DKKL1: variants seen among roughly 807,000 people sequenced by gnomAD.
DKKL1 encodes the protein dickkopf like acrosomal protein 1, also known as dickkopf-like protein 1.
Under a neutral mutation model 16.5 loss-of-function variants are expected in DKKL1, and 11 were observed. That is an observed-to-expected ratio of 0.67 (90% CI 0.42 to 1.10). The LOEUF is 1.10. Ranked by LOEUF, DKKL1 falls within the 50% of genes least tolerant of loss-of-function variation. The probability of loss-of-function intolerance (pLI) is 0.00; values close to 1 mark genes in which losing one functional copy is unlikely to be tolerated. For missense variants in DKKL1, 320 were observed against 308.1 expected, an observed-to-expected ratio of 1.04 and a Z score of -0.29; for synonymous variants, 119 against 133.2, an observed-to-expected ratio of 0.89 and a Z score of 0.73.
upstream of DKKL1, among the ~76,000 whole-genome samples, chr19:49,361,031 AGGGGGGGACAGAGACCAGAG>A (rs1972855199): frequency 4.0e-5 from 1 of 24,734 alleles, no homozygotes; most frequent in African/African-American, 1.6e-4. Flanking sequence ...GACCAGAGGG[AGGGGGGGACAGAGACCAGAG>A]AGGGGGACAG....
At chr19:49,371,113 GC>G (rs1439550894) in intron 4 of DKKL1, 1 of 152,224 alleles carries the variant, frequency 6.6e-6, no homozygotes, top group East Asian at 1.9e-4. Flanking sequence ...TACTCTCCCA[GC>G]ACCTGCAGAA....
chr19:49,371,521 T>A (rs1232637606), intron 4 of DKKL1, among the ~76,000 whole-genome samples: 1 of 148,944 alleles, frequency 6.7e-6, no homozygotes, highest in Non-Finnish European at 1.5e-5. Context: ...TTTTGTAATT[T>A]TGATAAATGA....
chr19:49,372,118 A>G (rs1973515492), intron 4 of DKKL1, among the ~76,000 whole-genome samples: 1 of 152,186 alleles, frequency 6.6e-6, no homozygotes, highest in Non-Finnish European at 1.5e-5. Flanking sequence ...AAAATAGTAT[A>G]ATAAATATCC....
intron 1 of DKKL1, among the ~76,000 whole-genome samples, 194 bp downstream of exon 1, chr19:49,364,202 T>C (rs1223051447): frequency 1.3e-5 from 2 of 151,732 alleles, no homozygotes; most frequent in African/African-American, 4.8e-5. Flanking sequence ...ATACAAAAAT[T>C]AGCCGGGCGT....
At chr19:49,364,470 G>A (rs1007436543) in intron 1 of DKKL1, 112 bp from the exon 2 acceptor site, 23 of 803,906 alleles carry the variant, frequency 2.9e-5, no homozygotes, top group Non-Finnish European at 1.9e-5. Flanking sequence ...AAATGAGCGC[G>A]GTGTGGGAGT....
In DKKL1 at chr19:49,365,781, G is replaced by C; in HGVS notation, c.325-12G>C. On this transcript the variant is annotated splice_polypyrimidine_tract_variant and intron_variant, in intron 3 of 4. Transcript: ENST00000221498. ...GCAGGTTTGCTCTCACTCTCTCATCGGATCCTCACAGATGACCGACAACAA... is the reference window on the plus strand; with the variant it reads ...GCAGGTTTGCTCTCACTCTCTCATCCGATCCTCACAGATGACCGACAACAA... 6.2e-7 allele frequency: 1 copy of C among 1,613,178 alleles called. No individual in the cohort carries two copies.
upstream of DKKL1, among the ~76,000 whole-genome samples, chr19:49,362,916 T>TTTTG (rs1555787013): frequency 7.9e-4 from 108 of 137,300 alleles, 9 homozygotes; most frequent in Non-Finnish European, 1.1e-3. Flanking sequence ...TTTTGGTTTT[T>TTTTG]TTGTTTTTTG....
At chr19:49,374,351 G>T (rs1189644372) in intron 4 of DKKL1, among the ~76,000 whole-genome samples, 1 of 152,024 alleles carries the variant, frequency 6.6e-6, no homozygotes. Flanking sequence ...ATGAGTCTTC[G>T]GTAAACCCAA....
chr19:49,360,696 A>G (rs1261901427), upstream of DKKL1, among the ~76,000 whole-genome samples: 1 of 142,498 alleles, frequency 7.0e-6, no homozygotes, highest in Non-Finnish European at 1.5e-5. Context: ...AGAAAAGAAG[A>G]GGGGCCAAGC....
upstream of DKKL1, chr19:49,363,829 A>T: frequency 1.0e-6 from 1 of 961,758 alleles, no homozygotes; most frequent in East Asian, 2.7e-5. Context: ...GTGGTCAGAC[A>T]ATAGGGGCGT....
intron 4 of DKKL1, chr19:49,370,324 TTGGA>T (rs1973427586): frequency 6.6e-6 from 1 of 151,808 alleles, no homozygotes; most frequent in African/African-American, 2.4e-5. Flanking sequence ...GTGGAAGACC[TTGGA>T]AACGAAAGCT....
Position 49,364,644 on chromosome 19 carries a change from G to A in DKKL1, c.73G>A (p.Val25Met), listed in dbSNP as rs527976440. ...LVLLLLLSTL[V>M]IPSAAAPIHD... ...CCTGCTGCTGCTCCTCTCTACCCTGGTGATCCCCTCCGCTGCAGCTCCTAT... is the reference window on the plus strand; with the variant it reads ...CCTGCTGCTGCTCCTCTCTACCCTGATGATCCCCTCCGCTGCAGCTCCTAT... Residue 25 changes from valine (V) to methionine (M), a missense_variant, in exon 2 of 5, where the codon GTG becomes ATG. Val to Met is a conservative substitution (Grantham distance 21, BLOSUM62 1). Coordinates refer to ENST00000221498, the MANE Select transcript of DKKL1 (RefSeq NM_014419.4). 3 of 1,613,846 alleles carry A rather than the reference G, an allele frequency of 1.9e-6. No individual in the cohort carries two copies. Among genetic ancestry groups the A allele is most frequent in the Admixed American group, 3.3e-5 (2 of 60,024 alleles).
chr19:49,374,381 G>A lies in DKKL1; in HGVS notation c.418-336G>A, dbSNP rs567326504. ...ACCCAAGAGCTTTTAGTCCTAAAGT[G>A]CTTTGTACATTTCAAACTGCTATCC... On this transcript the variant is annotated intron_variant, in intron 4 of 4. Coordinates refer to ENST00000221498, the MANE Select transcript of DKKL1 (RefSeq NM_014419.4). 7.2e-5 allele frequency among the ~76,000 whole-genome samples: 11 copies of A among 152,252 alleles called. No individual in the cohort carries two copies. In the South Asian group the frequency reaches 1.2e-3, roughly 17 times the overall value.
intron 4 of DKKL1, among the ~76,000 whole-genome samples, chr19:49,367,832 T>TAAGATATTGCATG (rs1449180501): frequency 6.6e-6 from 1 of 152,228 alleles, no homozygotes; most frequent in Non-Finnish European, 1.5e-5. Context: ...GATACCCACG[T>TAAGATATTGCATG]ACACCCATGC....
chr19:49,374,968 C>G lies in DKKL1; in HGVS notation c.669C>G (p.Ser223=), dbSNP rs1354911375. 6.2e-7 allele frequency: 1 copy of G among 1,613,432 alleles called. No homozygotes were observed. The highest frequency in any genetic ancestry group is 8.5e-7 in the Non-Finnish European group (1 of 1,179,824). Residue 223 remains serine, a synonymous_variant, in exon 5 of 5, where the codon TCC becomes TCG. Coordinates refer to ENST00000221498, the MANE Select transcript of DKKL1 (RefSeq NM_014419.4). ...LEEGTESSSH[S]RLSPRKTHLL... ...AGGGGACCGAGAGCTCCTCCCACTCCAGGCTGTCCCCCCGAAAGACCCACT... is the reference window on the plus strand; with the variant it reads ...AGGGGACCGAGAGCTCCTCCCACTCGAGGCTGTCCCCCCGAAAGACCCACT...
intron 2 of DKKL1, among the ~76,000 whole-genome samples, 179 bp from the exon 3 acceptor site, chr19:49,365,330 G>T (rs967094459): frequency 2.6e-5 from 4 of 152,218 alleles, no homozygotes; most frequent in Middle Eastern, 3.4e-3. Flanking sequence ...TGAGAATAGA[G>T]AGAGAATTCA....
intron 4 of DKKL1, among the ~76,000 whole-genome samples, chr19:49,374,154 T>A (rs1281206518): frequency 1.3e-5 from 2 of 151,700 alleles, no homozygotes; most frequent in African/African-American, 4.8e-5. Context: ...CCGGCTAAAT[T>A]TTTTTGTATT....
chr19:49,374,127 G>A (rs1973626709), intron 4 of DKKL1, among the ~76,000 whole-genome samples: 1 of 152,058 alleles, frequency 6.6e-6, no homozygotes, highest in Non-Finnish European at 1.5e-5. Flanking sequence ...TGGGACTACA[G>A]GCGCCCGCAA....
At position 49,365,806 on chromosome 19, in the gene DKKL1, A is replaced by G. The variant is rs1412398961; in HGVS notation, c.338A>G (p.Lys113Arg). ...GGATCCTCACAGATGACCGACAACA[A>G]GACAGGAGAGGTGCTGATCTCCGAG... ...HLQIDKMTDN[K>R]TGEVLISENV... The change falls in exon 4 of 5, where the codon AAG (lysine) becomes AGG (arginine). Residue 113 changes from lysine (K) to arginine (R), a missense_variant. Physicochemically the swap from Lys to Arg is conservative, Grantham distance 26. Transcript: ENST00000221498. The G allele has an allele frequency of 1.7e-5, 28 of 1,613,920 alleles. No individual in the cohort carries two copies. Among genetic ancestry groups the G allele is most frequent in the Non-Finnish European group, 1.9e-5 (23 of 1,179,984 alleles).
Sources: gnomAD v4.1 joint callset for allele counts (sites outside exome capture counted in the v4.1 genomes callset) on GRCh38, gnomAD v4.1.1 for gene constraint, MANE v1.5 for transcripts, NCBI Gene and HGNC (gene_info 2026-07-23, HGNC 2026-07-21) for gene names.